CTNNA2: variants seen among roughly 807,000 people sequenced by gnomAD.
CTNNA2 encodes catenin alpha 2.
Under a neutral mutation model 101.0 loss-of-function variants are expected in CTNNA2, and 42 were observed. The observed-to-expected ratio is 0.42, with a 90% CI of 0.32 to 0.54. The LOEUF (loss-of-function observed/expected upper bound fraction) is 0.54. CTNNA2 is among the 20% of genes least tolerant of loss of function. The pLI is 0.14. For synonymous variants in CTNNA2, 450 were observed against 456.4 expected (o/e 0.99, Z 0.18); for missense variants, 871 against 1,223.1 (o/e 0.71, Z 4.29).
At chr2:79,947,353 G>T (rs1688567524) in intron 7 of CTNNA2, among the ~76,000 whole-genome samples, 1 of 152,138 alleles carries the variant, frequency 6.6e-6, no homozygotes, top group Non-Finnish European at 1.5e-5. Flanking sequence ...TGTGTGTCCA[G>T]TTGGGTCTAG....
chr2:80,429,120 C>T (rs894848365), intron 9 of CTNNA2, among the ~76,000 whole-genome samples: 2 of 151,920 alleles, frequency 1.3e-5, no homozygotes, highest in African/African-American at 2.4e-5. Context: ...TATTCTCCTC[C>T]GTAATTTAAG....
Position 79,941,179 on chromosome 2 carries a change from G to A in CTNNA2, c.1056+31382G>A, listed in dbSNP as rs114521751. Among the ~76,000 whole-genome samples, 412 of 152,268 alleles carry A rather than the reference G, an allele frequency of 2.7e-3. 2 individuals are homozygous for A. Among genetic ancestry groups the A allele is most frequent in the African/African-American group, 9.3e-3 (387 of 41,560 alleles). On this transcript the variant is annotated intron_variant, in intron 7 of 18. Coordinates refer to ENST00000402739, the MANE Select transcript of CTNNA2 (RefSeq NM_001282597.3). ...TCTTTTGCACCATTATTGAAAAATT[G>A]ACATCCTCAACTTTGCCAGCCTGTT...
rs1185587351 is a variant in CTNNA2, at chr2:79,869,807, C to T, written c.466-9C>T. 6.2e-7 allele frequency: 1 copy of T among 1,609,702 alleles called. No homozygotes were observed. The highest frequency in any genetic ancestry group is 1.1e-5 in the South Asian group (1 of 90,026). Reference sequence around the variant, plus strand: ...CCACTAATAAATATGTTGTTTTTCACCACTGCAGGTGGAAGAGGCCCTGGA... The same window carrying T: ...CCACTAATAAATATGTTGTTTTTCATCACTGCAGGTGGAAGAGGCCCTGGA... On this transcript the variant is annotated splice_polypyrimidine_tract_variant and intron_variant, in intron 4 of 18. Transcript: ENST00000402739.
At chr2:79,816,669 C>T (rs1040596686) in intron 3 of CTNNA2, among the ~76,000 whole-genome samples, 1 of 152,104 alleles carries the variant, frequency 6.6e-6, no homozygotes, top group Non-Finnish European at 1.5e-5. Flanking sequence ...TTAGGTTGAC[C>T]ACAGGTAGCT....
Position 79,691,097 on chromosome 2 carries a change from C to A in CTNNA2, c.102+39439C>A, listed in dbSNP as rs138761969. Among the ~76,000 whole-genome samples the A allele has an allele frequency of 9.5e-4, 144 of 151,988 alleles. 6 individuals are homozygous for A. The South Asian group carries it at 0.021, about 22-fold the overall frequency. ...ACAAACAGGAAATATGAGGGTAGCT[C>A]CAAATGACTGTTGACTCTGTAAAAC... On this transcript the variant is annotated intron_variant, in intron 2 of 18. Coordinates refer to ENST00000402739, the MANE Select transcript of CTNNA2 (RefSeq NM_001282597.3).
chr2:79,315,147 T>A (rs1280159620), intron 3 of CTNNA2, among the ~76,000 whole-genome samples: 1 of 152,142 alleles, frequency 6.6e-6, no homozygotes, highest in African/African-American at 2.4e-5. Context: ...TGACCTTCAA[T>A]GGTGATTATG....
intron 7 of CTNNA2, among the ~76,000 whole-genome samples, chr2:80,362,976 G>C (rs1674558466): frequency 7.0e-6 from 1 of 143,542 alleles, no homozygotes; most frequent in Non-Finnish European, 1.5e-5. Flanking sequence ...TGGCATTCTA[G>C]CCTGGGCAAC....
At chr2:80,517,588 AC>A (rs1689201927) in intron 9 of CTNNA2, among the ~76,000 whole-genome samples, 1 of 152,164 alleles carries the variant, frequency 6.6e-6, no homozygotes, top group African/African-American at 2.4e-5. Context: ...GTAACTGTAT[AC>A]CTTTTGCCAG....
intron 2 of CTNNA2, among the ~76,000 whole-genome samples, chr2:79,292,095 G>T (rs1328931654): frequency 6.6e-6 from 1 of 152,134 alleles, no homozygotes; most frequent in East Asian, 1.9e-4. Context: ...ATGTTGGAAA[G>T]GTAATTATGT....
intron 3 of CTNNA2, among the ~76,000 whole-genome samples, chr2:79,826,316 T>C (rs966931455): frequency 6.6e-6 from 1 of 152,228 alleles, no homozygotes. Context: ...CAAAATTCGA[T>C]AACAGTCAGA....
chr2:79,478,335 C>G lies in CTNNA2; in HGVS notation c.-134-26719C>G, dbSNP rs147097177. ...GCAAATGGAAGTGATGAATAGCGGT[C>G]TTAGGTAGCTTAGAATGGAATTTCT... On this transcript the variant is annotated intron_variant, in intron 4 of 21. Transcript: ENST00000466387. Among the ~76,000 whole-genome samples the G allele has an allele frequency of 3.2e-4, 49 of 152,270 alleles. No individual in the cohort carries two copies. In the East Asian group the frequency reaches 7.1e-3, roughly 22 times the overall value.
chr2:79,483,374 A>G (rs1309200669), intron 4 of CTNNA2, among the ~76,000 whole-genome samples: 2 of 152,212 alleles, frequency 1.3e-5, no homozygotes, highest in African/African-American at 4.8e-5. Flanking sequence ...GTTTCTACAG[A>G]TCAGAAAAGG....
At chr2:79,790,034 C>T (rs1458396182) in intron 3 of CTNNA2, among the ~76,000 whole-genome samples, 2 of 152,048 alleles carry the variant, frequency 1.3e-5, no homozygotes, top group Non-Finnish European at 2.9e-5. Flanking sequence ...AGAAAGAGCA[C>T]CTCAGGGAAT....
At position 79,611,622 on chromosome 2, in the gene CTNNA2, TG is replaced by T. The variant is rs143268133; in HGVS notation, c.-5-39929del. On this transcript the variant is annotated intron_variant, in intron 1 of 18. Transcript: ENST00000402739. ...CTTCTGTGCAGAGGAATGTTTAAGG[TG>T]AGCCACTGCGGAGGAGTTTATTGGG... is the stretch of plus-strand genomic sequence containing the variant. Among the ~76,000 whole-genome samples, 1,097 of 152,188 alleles carry T rather than the reference TG, an allele frequency of 7.2e-3. 57 individuals carry two copies. In the East Asian group the frequency reaches 0.12, roughly 16 times the overall value.
At chr2:79,735,314 C>A (rs957046829) in intron 2 of CTNNA2, among the ~76,000 whole-genome samples, 1 of 152,048 alleles carries the variant, frequency 6.6e-6, no homozygotes, top group African/African-American at 2.4e-5. Flanking sequence ...GAAGAAAAGG[C>A]TGCTGTACTT....
intron 9 of CTNNA2, among the ~76,000 whole-genome samples, chr2:80,493,968 T>G (rs2149521357): frequency 6.6e-6 from 1 of 152,324 alleles, no homozygotes; most frequent in East Asian, 1.9e-4. Flanking sequence ...GAATGGTACG[T>G]ACGTAGCAGC....
At chr2:79,409,146 G>C (rs1678377875) in intron 4 of CTNNA2, among the ~76,000 whole-genome samples, 2 of 152,214 alleles carry the variant, frequency 1.3e-5, no homozygotes, top group South Asian at 4.2e-4. Flanking sequence ...TGTTGGGGTT[G>C]TTTGTTTCTT....
intron 7 of CTNNA2, among the ~76,000 whole-genome samples, chr2:80,047,644 G>A (rs1397527575): frequency 6.6e-6 from 1 of 152,092 alleles, no homozygotes; most frequent in African/African-American, 2.4e-5. Context: ...AAATTGCAGA[G>A]ACCCTTTTGA....
intron 7 of CTNNA2, among the ~76,000 whole-genome samples, chr2:79,975,762 C>T (rs190376605): frequency 3.9e-5 from 6 of 152,328 alleles, no homozygotes; most frequent in East Asian, 1.9e-4. Flanking sequence ...GGGCAAGGTA[C>T]GGGGAAGGGG....
Sources: gnomAD v4.1 joint callset for allele counts (sites outside exome capture counted in the v4.1 genomes callset) on GRCh38, gnomAD v4.1.1 for gene constraint, MANE v1.5 for transcripts, NCBI Gene and HGNC (gene_info 2026-07-23, HGNC 2026-07-21) for gene names.